GRIN2B: variants seen among roughly 807,000 people sequenced by gnomAD.
GRIN2B encodes the protein glutamate ionotropic receptor NMDA type subunit 2B, also known as glutamate receptor ionotropic, NMDA 2B.
A neutral mutation model predicts 114.5 loss-of-function variants in GRIN2B; 5 were observed. The ratio of observed to expected loss-of-function variants is 0.04; its 90% confidence interval spans 0.02 to 0.09. GRIN2B has a LOEUF of 0.09. Among genes scored for constraint, GRIN2B ranks in the 10% least tolerant of loss-of-function variants. GRIN2B has a pLI of 1.00. For missense variants in GRIN2B, 1,108 were observed against 1,943.5 expected (o/e 0.57, Z 8.08); for synonymous variants, 787 against 745.1 (o/e 1.06, Z -0.92).
chr12:13,681,201 A>T (rs1320906223), intron 4 of GRIN2B, among the ~76,000 whole-genome samples: 2 of 152,122 alleles, frequency 1.3e-5, no homozygotes, highest in African/African-American at 2.4e-5. Flanking sequence ...CAAGCACTAG[A>T]TTTTTAAAAT....
rs564531916 is a variant in GRIN2B, at chr12:13,886,496, A to G, written c.-18-20270T>C. ...CCGACTAAACTGCTGGGTTGAGACT[A>G]TCATTTGGGGTGATGGATTTTGAAC... On this transcript the variant is annotated intron_variant, in intron 2 of 13. Transcript: ENST00000609686. Among the ~76,000 whole-genome samples, 6 of 152,280 alleles carry G rather than the reference A, an allele frequency of 3.9e-5. No individual in the cohort carries two copies. The South Asian group carries it at 1.2e-3, about 32-fold the overall frequency.
chr12:13,838,431 G>A (rs772063804), intron 3 of GRIN2B, among the ~76,000 whole-genome samples: 15 of 152,040 alleles, frequency 9.9e-5, no homozygotes, highest in Non-Finnish European at 1.9e-4. Flanking sequence ...TACCTTCCTA[G>A]TTCTCTCTCC....
rs1447114772 is a variant in GRIN2B, at chr12:13,559,841, A to G, written c.*2942T>C. The G allele has an allele frequency of 1.3e-5, 2 of 152,202 alleles. No homozygotes were observed. The highest frequency in any genetic ancestry group is 2.9e-5 in the Non-Finnish European group (2 of 68,036). The allele number at this position is 152,202 out of a possible 1,614,324, so 9.4% of individuals were successfully genotyped here. ...AGAAAAGACTCAGATGACTGAGACG[A>G]TTGTTTCAGCATCAGAGGAGGCCGC... On this transcript the variant is annotated 3_prime_UTR_variant, in exon 14 of 14. Coordinates refer to ENST00000609686, the MANE Select transcript of GRIN2B (RefSeq NM_000834.5).
chr12:13,836,642 C>T (rs1011323620), intron 3 of GRIN2B, among the ~76,000 whole-genome samples: 1 of 152,220 alleles, frequency 6.6e-6, no homozygotes, highest in African/African-American at 2.4e-5. Flanking sequence ...TTCCACATTA[C>T]TTTGTCTCTT....
chr12:13,815,619 A>G (rs1225970138), intron 3 of GRIN2B, among the ~76,000 whole-genome samples: 1 of 152,208 alleles, frequency 6.6e-6, no homozygotes, highest in Non-Finnish European at 1.5e-5. Flanking sequence ...GAGTGTTTCT[A>G]TGTAATAAGA....
At chr12:13,932,415 G>A (rs1867050941) in intron 2 of GRIN2B, among the ~76,000 whole-genome samples, 1 of 152,196 alleles carries the variant, frequency 6.6e-6, no homozygotes, top group Admixed American at 6.5e-5. Context: ...CCACTAGCAA[G>A]TCAGTTCTAC....
At chr12:13,790,946 G>A (rs1864309227) in intron 3 of GRIN2B, among the ~76,000 whole-genome samples, 1 of 152,166 alleles carries the variant, frequency 6.6e-6, no homozygotes. Flanking sequence ...GGAGTGACGA[G>A]GCTGGAACCC....
chr12:13,937,392 C>A (rs1392608854), intron 2 of GRIN2B, among the ~76,000 whole-genome samples: 1 of 151,560 alleles, frequency 6.6e-6, no homozygotes, highest in Non-Finnish European at 1.5e-5. Context: ...AAGAGACGAT[C>A]TTGAAAGTAG....
At chr12:13,897,854 T>C (rs1343599603) in intron 2 of GRIN2B, among the ~76,000 whole-genome samples, 1 of 152,022 alleles carries the variant, frequency 6.6e-6, no homozygotes, top group African/African-American at 2.4e-5. Flanking sequence ...ATTGAATGAC[T>C]CAATGATTTC....
chr12:13,637,167 T>C (rs1167314035), intron 5 of GRIN2B, among the ~76,000 whole-genome samples: 3 of 152,222 alleles, frequency 2.0e-5, no homozygotes, highest in African/African-American at 7.2e-5. Flanking sequence ...CTGGATTTTA[T>C]AATCTTGTAC....
intron 3 of GRIN2B, among the ~76,000 whole-genome samples, chr12:13,810,067 G>A (rs959667397): frequency 2.6e-5 from 4 of 151,954 alleles, no homozygotes; most frequent in Admixed American, 6.6e-5. Context: ...CCTACCCTCC[G>A]GGTTTTTGCT....
intron 4 of GRIN2B, among the ~76,000 whole-genome samples, chr12:13,687,043 T>C (rs538176932): frequency 3.9e-5 from 6 of 152,178 alleles, no homozygotes; most frequent in African/African-American, 1.4e-4. Context: ...GCAGTGTCTC[T>C]TTCACCTTCC....
intron 2 of GRIN2B, among the ~76,000 whole-genome samples, chr12:13,933,888 G>A (rs1170549143): frequency 6.6e-6 from 1 of 152,120 alleles, no homozygotes; most frequent in South Asian, 2.1e-4. Flanking sequence ...GGCTAGAAGC[G>A]GTAAGAGTGA....
At chr12:13,686,995 G>A (rs191646565) in intron 4 of GRIN2B, among the ~76,000 whole-genome samples, 5 of 151,844 alleles carry the variant, frequency 3.3e-5, no homozygotes, top group East Asian at 1.9e-4. Flanking sequence ...CCCCCTCCCC[G>A]ACCTTGCTTC....
At chr12:13,850,298 A>C (rs1158542287) in intron 3 of GRIN2B, among the ~76,000 whole-genome samples, 1 of 151,912 alleles carries the variant, frequency 6.6e-6, no homozygotes, top group African/African-American at 2.4e-5. Flanking sequence ...ACTCAATTTT[A>C]TTTTCTCCTC....
intron 4 of GRIN2B, among the ~76,000 whole-genome samples, chr12:13,731,804 C>T (rs1863090672): frequency 6.6e-6 from 1 of 151,994 alleles, no homozygotes; most frequent in African/African-American, 2.4e-5. Flanking sequence ...GACTTGCCTC[C>T]CCATCTTGAT....
At chr12:13,839,744 A>T (rs562764124) in intron 3 of GRIN2B, among the ~76,000 whole-genome samples, 1 of 152,208 alleles carries the variant, frequency 6.6e-6, no homozygotes, top group African/African-American at 2.4e-5. Flanking sequence ...AAACAAGGAC[A>T]GGAACAAGAA....
chr12:13,784,200 G>C (rs1591728609), intron 3 of GRIN2B, among the ~76,000 whole-genome samples: 1 of 119,698 alleles, frequency 8.4e-6, no homozygotes. Context: ...CTCCAGCCTG[G>C]GCAACAGAGT....
At chr12:13,822,117 G>T (rs897802040) in intron 3 of GRIN2B, among the ~76,000 whole-genome samples, 2 of 152,124 alleles carry the variant, frequency 1.3e-5, no homozygotes, top group African/African-American at 4.8e-5. Context: ...TGGGCCTAAA[G>T]TCTTATGAAA....
Sources: allele counts gnomAD v4.1 joint callset (sites outside exome capture counted in the v4.1 genomes callset), GRCh38; gene constraint gnomAD v4.1.1; transcripts MANE v1.5; gene names NCBI Gene and HGNC (gene_info 2026-07-23, HGNC 2026-07-21).